CLEC16A: variants seen among roughly 807,000 people sequenced by gnomAD.
CLEC16A encodes C-type lectin domain containing 16A, also known as protein CLEC16A.
In CLEC16A, 51 loss-of-function variants were observed where a neutral mutation model predicts 109.5. The ratio of observed to expected loss-of-function variants is 0.47; its 90% confidence interval spans 0.37 to 0.59. The LOEUF is 0.59. Among genes scored for constraint, CLEC16A ranks in the 20% least tolerant of loss-of-function variants. The probability of loss-of-function intolerance (pLI) is 0.00; values close to 1 mark genes in which losing one functional copy is unlikely to be tolerated. For missense variants in CLEC16A, 1,339 were observed against 1,394.0 expected (o/e 0.96, Z 0.63); for synonymous variants, 673 against 564.2 (o/e 1.19, Z -2.73).
chr16:11,052,339 C>T lies in CLEC16A; in HGVS notation c.1995+698C>T, dbSNP rs888529205. ...GTGTATAGTTCAGAGGAATTCATTG[C>T]ACACAGCTCCCCTTGTCAGCCTTTA... On this transcript the variant is annotated intron_variant, in intron 18 of 23. Transcript: ENST00000409790. 2.0e-5 allele frequency among the ~76,000 whole-genome samples: 3 copies of T among 152,202 alleles called. No individual in the cohort carries two copies. The South Asian group carries it at 6.2e-4, about 32-fold the overall frequency.
At chr16:11,027,597 AT>A (rs2046485548) in intron 13 of CLEC16A, 1 of 1,558,802 alleles carries the variant, frequency 6.4e-7, no homozygotes, top group Admixed American at 1.7e-5. Context: ...CATTCATGAA[AT>A]TGCATTCCCA....
chr16:10,979,042 C>T (rs1418221347), intron 8 of CLEC16A, among the ~76,000 whole-genome samples: 2 of 152,076 alleles, frequency 1.3e-5, no homozygotes, highest in Non-Finnish European at 1.5e-5. Flanking sequence ...TACAAATGAA[C>T]GTGCTTGGTA....
At chr16:11,062,484 A>G (rs2048536964) in intron 19 of CLEC16A, among the ~76,000 whole-genome samples, 1 of 152,114 alleles carries the variant, frequency 6.6e-6, no homozygotes, top group East Asian at 1.9e-4. Context: ...AAAATACAGA[A>G]TTGTTTTCAG....
At chr16:11,000,030 G>A (rs1344055194) in intron 10 of CLEC16A, among the ~76,000 whole-genome samples, 1 of 152,208 alleles carries the variant, frequency 6.6e-6, no homozygotes, top group Non-Finnish European at 1.5e-5. Context: ...TAGAAGCGGA[G>A]TTTCACTATA....
At chr16:11,103,608 A>G (rs749425331) in intron 19 of CLEC16A, among the ~76,000 whole-genome samples, 1 of 152,176 alleles carries the variant, frequency 6.6e-6, no homozygotes, top group Non-Finnish European at 1.5e-5. Context: ...CACCTCCTGC[A>G]AGAAGCCTTC....
intron 23 of CLEC16A, among the ~76,000 whole-genome samples, chr16:11,168,870 A>G (rs1046919677): frequency 1.8e-4 from 28 of 152,200 alleles, no homozygotes; most frequent in African/African-American, 5.5e-4. Flanking sequence ...TTGATTTGAC[A>G]TTGGCTCAGA....
chr16:11,019,905 AAAG>A (rs1392563277), intron 11 of CLEC16A, among the ~76,000 whole-genome samples: 3 of 152,246 alleles, frequency 2.0e-5, no homozygotes, highest in East Asian at 3.8e-4. Context: ...ATAAAGTAAA[AAAG>A]ACGATTTTAA....
intron 22 of CLEC16A, among the ~76,000 whole-genome samples, chr16:11,133,984 A>G (rs1230959028): frequency 6.6e-6 from 1 of 152,104 alleles, no homozygotes; most frequent in Non-Finnish European, 1.5e-5. Flanking sequence ...TGAGCTGCTA[A>G]GCACTTTATG....
intron 19 of CLEC16A, among the ~76,000 whole-genome samples, chr16:11,096,575 C>T (rs1169429471): frequency 6.6e-6 from 1 of 152,170 alleles, no homozygotes; most frequent in African/African-American, 2.4e-5. Flanking sequence ...TTAAAAAACA[C>T]TTGTAACCAT....
intron 22 of CLEC16A, among the ~76,000 whole-genome samples, chr16:11,147,859 A>C (rs570084817): frequency 6.6e-6 from 1 of 152,364 alleles, no homozygotes; most frequent in South Asian, 2.1e-4. Flanking sequence ...AATGTAAAAA[A>C]AGAAGTTGGA....
Position 10,944,797 on chromosome 16 carries a change from A to AGTGAGTGTGGGGGGCGTAGCGG in CLEC16A, c.80+2_80+23dup, listed in dbSNP as rs2041256261. 2 of 1,605,946 alleles carry AGTGAGTGTGGGGGGCGTAGCGG rather than the reference A, an allele frequency of 1.2e-6. No homozygotes were observed. The highest frequency in any genetic ancestry group is 1.7e-6 in the Non-Finnish European group (2 of 1,176,644). ...AACATCCACTCCTTGGACCACCTCA[A>AGTGAGTGTGGGGGGCGTAGCGG]GTGAGTGTGGGGGGCGTAGCGGGAG... On this transcript the variant is annotated stop_gained and frameshift_variant and splice_region_variant. Transcript: ENST00000409790. LOFTEE classifies it high-confidence loss of function.
chr16:10,977,660 C>T (rs2043096054), intron 8 of CLEC16A, among the ~76,000 whole-genome samples: 1 of 152,180 alleles, frequency 6.6e-6, no homozygotes, highest in Non-Finnish European at 1.5e-5. Context: ...ATTACAGGTG[C>T]ATACCACCAC....
intron 10 of CLEC16A, among the ~76,000 whole-genome samples, chr16:10,986,731 A>ATGTGTGTGTGTGTGTG (rs59931468): frequency 0.021 from 3,101 of 150,114 alleles, 121 homozygotes; most frequent in African/African-American, 0.073. Flanking sequence ...TTAAGGCTCA[A>ATGTGTGTGTGTGTGTG]TGTGTGTGTG....
intron 11 of CLEC16A, among the ~76,000 whole-genome samples, chr16:11,012,594 C>CAAAAAAAAAAAAAA (rs551902895): frequency 1.3e-4 from 9 of 67,942 alleles, no homozygotes; most frequent in African/African-American, 4.0e-4. Flanking sequence ...GACTCCGTCT[C>CAAAAAAAAAAAAAA]AAAAAAAAAA....
chr16:11,112,030 T>C (rs905910793), intron 19 of CLEC16A, among the ~76,000 whole-genome samples: 1 of 152,212 alleles, frequency 6.6e-6, no homozygotes, highest in African/African-American at 2.4e-5. Flanking sequence ...TGTTAAATGG[T>C]GTAGAGTTCT....
chr16:11,112,031 G>A (rs2051624761), intron 19 of CLEC16A, among the ~76,000 whole-genome samples: 1 of 152,244 alleles, frequency 6.6e-6, no homozygotes, highest in Non-Finnish European at 1.5e-5. Context: ...GTTAAATGGT[G>A]TAGAGTTCTC....
Position 10,954,193 on chromosome 16 carries a change from TC to T in CLEC16A, c.81-3587del, listed in dbSNP as rs140372236. On this transcript the variant is annotated intron_variant, in intron 1 of 23. Coordinates refer to ENST00000409790, the MANE Select transcript of CLEC16A (RefSeq NM_015226.3). The surrounding 1 kb of genome is among the most constrained non-coding windows in gnomAD (Gnocchi z 4.2). ...ACAAATGGAGTTCTCAGACCTTTCT[TC>T]CTGGCCACAGGTCTGTGGGCGAGCT... Among the ~76,000 whole-genome samples, 2,722 of 152,288 alleles carry T rather than the reference TC, an allele frequency of 0.018. 41 individuals carry two copies. Among genetic ancestry groups the T allele is most frequent in the Non-Finnish European group, 0.027 (1,838 of 68,028 alleles).
At chr16:11,058,182 A>G (rs1009554670) in intron 18 of CLEC16A, among the ~76,000 whole-genome samples, 1 of 152,178 alleles carries the variant, frequency 6.6e-6, no homozygotes, top group Non-Finnish European at 1.5e-5. Flanking sequence ...CCTCAGATTC[A>G]TGGACATGGC....
chr16:11,134,055 T>G (rs867524464), intron 22 of CLEC16A, among the ~76,000 whole-genome samples: 3 of 152,268 alleles, frequency 2.0e-5, no homozygotes, highest in Middle Eastern at 3.4e-3. Context: ...ATTTTCCCTT[T>G]CAGCAGGTCA....
Sources: gnomAD v4.1 joint callset for allele counts (sites outside exome capture counted in the v4.1 genomes callset) on GRCh38, gnomAD v4.1.1 for gene constraint, Gnocchi (gnomAD v3.1) non-coding constraint, MANE v1.5 for transcripts, NCBI Gene and HGNC (gene_info 2026-07-23, HGNC 2026-07-21) for gene names.